Variants in HSPG2 observed in about 807,000 individuals in gnomAD.
HSPG2 encodes basement membrane-specific heparan sulfate proteoglycan core protein.
In HSPG2, 278 loss-of-function variants were observed where a neutral mutation model predicts 526.6. The observed-to-expected ratio is 0.53, with a 90% CI of 0.48 to 0.58. The LOEUF (loss-of-function observed/expected upper bound fraction) is 0.58, where lower values mean the gene tolerates loss of function less well. HSPG2 is among the 20% of genes least tolerant of loss of function. The pLI is 0.00. For missense variants in HSPG2, 5,354 were observed against 6,099.5 expected (o/e 0.88, Z 4.07); for synonymous variants, 2,465 against 2,555.4 (o/e 0.96, Z 1.07).
chr1:21,882,886 C>T (rs1641617089), intron 13 of HSPG2, among the ~76,000 whole-genome samples: 1 of 152,192 alleles, frequency 6.6e-6, no homozygotes, highest in Non-Finnish European at 1.5e-5. Flanking sequence ...CCTGCAACCA[C>T]AGGGGAATCC....
chr1:21,908,422 G>A (rs986650191), intron 1 of HSPG2: 31 of 882,162 alleles, frequency 3.5e-5, no homozygotes, highest in East Asian at 9.8e-5. Flanking sequence ...CCTGAAACGC[G>A]TGAAGGAGAA....
chr1:21,861,700 A>C (rs1341183105), intron 39 of HSPG2, 57 bp downstream of exon 39: 2 of 1,492,484 alleles, frequency 1.3e-6, no homozygotes, highest in Non-Finnish European at 1.9e-6. Context: ...TAAGGCTCTC[A>C]CTTGGGAGTC....
rs1348665908 is a variant in HSPG2, at chr1:21,890,142, C to T, written c.414-1G>A. 1 of 1,614,064 alleles carries T rather than the reference C, an allele frequency of 6.2e-7. No individual in the cohort carries two copies. Among genetic ancestry groups the T allele is most frequent in the East Asian group, 2.2e-5 (1 of 44,882 alleles). On this transcript the variant is annotated splice_acceptor_variant, in intron 5 of 96. Coordinates refer to ENST00000374695, the MANE Select transcript of HSPG2 (RefSeq NM_005529.7). LOFTEE classifies it high-confidence loss of function. The surrounding 1 kb of genome is among the most constrained non-coding windows in gnomAD (Gnocchi z 4.1). The stretch of plus-strand genomic sequence containing the variant: ...CACAAAAACCCAGCCATCCAGCTCC[C>T]TGGGGATGGAGACAGGCAGGAGAGG...
In HSPG2 at chr1:21,824,036, C is replaced by A; in HGVS notation, c.12899+85G>T. ...AGTTCTGTCTCCACAGAGCTCAATA[C>A]CTGCCTCTCTGCCCATGGTAGGGGG... On this transcript the variant is annotated intron_variant, in intron 95 of 96. Transcript: ENST00000374695. This position sits in a 1 kb window ranked among gnomAD's most constrained non-coding sequence, Gnocchi z 5.9. 2 of 1,278,350 alleles carry A rather than the reference C, an allele frequency of 1.6e-6. No individual in the cohort carries two copies. The highest frequency in any genetic ancestry group is 1.1e-6 in the Non-Finnish European group (1 of 896,434). The allele number at this position is 1,278,350 out of a possible 1,614,324, so 79.2% of individuals were successfully genotyped here. A position where few individuals can be genotyped will look rare whatever the true frequency, so the allele number is the denominator to read the frequency against.
chr1:21,844,968 C>A (rs1572201594), intron 64 of HSPG2, among the ~76,000 whole-genome samples: 1 of 152,224 alleles, frequency 6.6e-6, no homozygotes, highest in East Asian at 1.9e-4. Flanking sequence ...TAACTACACA[C>A]TGGGCGCGGT....
intron 1 of HSPG2, among the ~76,000 whole-genome samples, chr1:21,930,197 C>T (rs1214341845): frequency 6.6e-6 from 1 of 152,182 alleles, no homozygotes; most frequent in Non-Finnish European, 1.5e-5. Context: ...CTAGCTGTGC[C>T]CTCTGCCTGG....
chr1:21,906,610 G>C (rs537407363), intron 1 of HSPG2, among the ~76,000 whole-genome samples: 1 of 151,906 alleles, frequency 6.6e-6, no homozygotes, highest in African/African-American at 2.4e-5. Flanking sequence ...CCTGGACACA[G>C]AAACTCTCGG....
intron 50 of HSPG2, among the ~76,000 whole-genome samples, 157 bp downstream of exon 50, chr1:21,854,036 C>G (rs903798892): frequency 3.9e-5 from 6 of 152,210 alleles, no homozygotes; most frequent in Non-Finnish European, 8.8e-5. Flanking sequence ...TAACCTCCCT[C>G]CCGTCCACTC....
rs1222051172 is a variant in HSPG2 at position 21,914,125 on chromosome 1, A to G, written c.64-17815T>C. On this transcript the variant is annotated intron_variant, in intron 1 of 96. Coordinates refer to ENST00000374695, the MANE Select transcript of HSPG2 (RefSeq NM_005529.7). ...AGTAATCATTATAGGAGCAGGTACT[A>G]TGAGCCACACAATGTTCTCTGCCCT... 2.6e-5 allele frequency among the ~76,000 whole-genome samples: 4 copies of G among 152,218 alleles called. No homozygotes were observed. The South Asian group carries it at 8.3e-4, about 32-fold the overall frequency.
intron 66 of HSPG2, 76 bp downstream of exon 66, chr1:21,843,221 A>G: frequency 1.3e-6 from 2 of 1,593,842 alleles, no homozygotes; most frequent in Non-Finnish European, 1.7e-6. Context: ...CCCGGCTGGG[A>G]GAGAGGAGAG....
chr1:21,855,717 A>G, intron 45 of HSPG2, 42 bp from the exon 46 acceptor site: 1 of 1,597,064 alleles, frequency 6.3e-7, no homozygotes, highest in Non-Finnish European at 8.5e-7. Context: ...AAGCCTGCTC[A>G]GAGTCCTGCC....
chr1:21,931,981 C>A (rs775363657), intron 1 of HSPG2, among the ~76,000 whole-genome samples: 11 of 152,158 alleles, frequency 7.2e-5, no homozygotes, highest in Non-Finnish European at 1.3e-4. Flanking sequence ...CCTAAAAGTC[C>A]CTGGATAAAT....
At chr1:21,834,089 T>C (rs2098016233) in intron 77 of HSPG2, among the ~76,000 whole-genome samples, 164 bp from the exon 78 acceptor site, 1 of 152,236 alleles carries the variant, frequency 6.6e-6, no homozygotes, top group African/African-American at 2.4e-5. Context: ...AGCGGCTGTT[T>C]GCTCCTGGTC....
chr1:21,870,946 G>T, intron 33 of HSPG2: 1 of 910,776 alleles, frequency 1.1e-6, no homozygotes, highest in Non-Finnish European at 1.3e-6. Flanking sequence ...GCAGCAGGGA[G>T]GCCAGGAGAT....
chr1:21,839,960 G>C lies in HSPG2; in HGVS notation c.9571C>G (p.Leu3191Val). The C allele has an allele frequency of 1.2e-6, 2 of 1,614,162 alleles. No homozygotes were observed. Among genetic ancestry groups the C allele is most frequent in the Non-Finnish European group, 8.5e-7 (1 of 1,180,032 alleles). The change falls in exon 72 of 97, where the codon CTA becomes GTA. Residue 3191 changes from leucine to valine, a missense_variant. Physicochemically the swap from Leu to Val is conservative, Grantham distance 32. Transcript: ENST00000374695. The surrounding 1 kb of genome is among the most constrained non-coding windows in gnomAD (Gnocchi z 4.5). The part of the protein sequence containing the change: ...GTYVCLAQNA[L>V]GTAQKQVEVI... ...TCCACCTGCTTCTGTGCTGTGCCTA[G>C]TGCATTCTGAGCAAGGCACACATAA...
In HSPG2 at chr1:21,848,794, G is replaced by A. The variant is rs754616342; in HGVS notation, c.7586C>T (p.Ser2529Phe). 1.9e-6 allele frequency: 3 copies of A among 1,613,662 alleles called. No homozygotes were observed. Among genetic ancestry groups the A allele is most frequent in the Non-Finnish European group, 2.5e-6 (3 of 1,179,974 alleles). ...GCGGACGGGGTACGCCACACCCTGGGCTGGGAGGGTGAGATGTAAGGCAGG... is the reference window on the plus strand; with the variant it reads ...GCGGACGGGGTACGCCACACCCTGGACTGGGAGGGTGAGATGTAAGGCAGG... ...TIQQRLSGSH[S>F]QGVAYPVRIE... is the part of the protein sequence containing the mutation. Residue 2529 changes from serine (S) to phenylalanine (F), a missense_variant and splice_region_variant, in exon 59 of 97, where the codon TCC (serine) becomes TTC (phenylalanine). Transcript: ENST00000374695. This position sits in a 1 kb window ranked among gnomAD's most constrained non-coding sequence, Gnocchi z 4.9.
intron 75 of HSPG2, among the ~76,000 whole-genome samples, chr1:21,836,010 T>G (rs997577889): frequency 6.7e-6 from 1 of 149,062 alleles, no homozygotes; most frequent in African/African-American, 2.5e-5. Context: ...AAAAGAATGC[T>G]TTGCAATTGT....
Position 21,873,356 on chromosome 1 carries a change from C to A in HSPG2, c.3793+19G>T. The A allele has an allele frequency of 1.9e-6, 3 of 1,614,132 alleles. No individual in the cohort carries two copies. The highest frequency in any genetic ancestry group is 2.5e-6 in the Non-Finnish European group (3 of 1,179,956). ...ACTCTGGGTAACCCGACCCCAATGA[C>A]CTCCCCAATCCTACTCACTCTGGCA... On this transcript the variant is annotated intron_variant, in intron 30 of 96. Coordinates refer to ENST00000374695, the MANE Select transcript of HSPG2 (RefSeq NM_005529.7).
At chr1:21,836,327 T>G (rs951530054) in intron 75 of HSPG2, among the ~76,000 whole-genome samples, 2 of 152,232 alleles carry the variant, frequency 1.3e-5, no homozygotes, top group African/African-American at 4.8e-5. Flanking sequence ...CCTTTCAGTC[T>G]TTTTTCTTTT....
Sources: allele counts gnomAD v4.1 joint callset (sites outside exome capture counted in the v4.1 genomes callset), GRCh38; gene constraint gnomAD v4.1.1; non-coding constraint Gnocchi (gnomAD v3.1); transcripts MANE v1.5; gene names NCBI Gene and HGNC (gene_info 2026-07-23, HGNC 2026-07-21).